Variants in NALCN observed in about 807,000 individuals in gnomAD.
NALCN encodes the protein sodium leak channel NALCN.
A neutral mutation model predicts 225.3 loss-of-function variants in NALCN; 111 were observed. The ratio of observed to expected loss-of-function variants is 0.49; its 90% CI spans 0.42 to 0.58. The LOEUF (loss-of-function observed/expected upper bound fraction) is 0.58. NALCN is among the 20% of genes least tolerant of loss of function. NALCN has a pLI of 0.00. For missense variants in NALCN, 1,378 were observed against 2,202.4 expected (o/e 0.63, Z 7.49); for synonymous variants, 764 against 769.0 (o/e 0.99, Z 0.11).
chr13:101,291,971 C>T lies in NALCN; in HGVS notation c.1047+19G>A, dbSNP rs1009783626. 6.2e-6 allele frequency: 10 copies of T among 1,612,818 alleles called. No individual in the cohort carries two copies. The highest frequency in any genetic ancestry group is 1.3e-5 in the African/African-American group (1 of 74,910). On this transcript the variant is annotated intron_variant, in intron 9 of 43. Coordinates refer to ENST00000251127, the MANE Select transcript of NALCN (RefSeq NM_052867.4). Reference sequence around the variant, plus strand: ...TGCATGCTCGAATGGGTTATAACATCCTCTTGCTGATAGCGTACCTGGGTG... The same window carrying T: ...TGCATGCTCGAATGGGTTATAACATTCTCTTGCTGATAGCGTACCTGGGTG...
Position 101,134,739 on chromosome 13 carries a change from G to A in NALCN, c.2118+8341C>T, listed in dbSNP as rs2036686935. ...ATTTTTTTTTGCACGTGAATGTTAT[G>A]ACAATGTTTCGGCCACTAACACAGT... On this transcript the variant is annotated intron_variant, in intron 17 of 43. Transcript: ENST00000251127. Among the ~76,000 whole-genome samples, 2 of 152,034 alleles carry A rather than the reference G, an allele frequency of 1.3e-5. 1 individual carries two copies. The highest frequency in any genetic ancestry group is 4.1e-4 in the South Asian group (2 of 4,822).
At chr13:101,133,278 G>T (rs559620858) in intron 17 of NALCN, among the ~76,000 whole-genome samples, 2 of 152,048 alleles carry the variant, frequency 1.3e-5, no homozygotes, top group Non-Finnish European at 2.9e-5. Flanking sequence ...TAGCTTTTTT[G>T]ATTTACAATG....
At chr13:101,382,491 A>G (rs1425540206) in intron 3 of NALCN, among the ~76,000 whole-genome samples, 3 of 152,120 alleles carry the variant, frequency 2.0e-5, no homozygotes, top group African/African-American at 7.2e-5. Flanking sequence ...ATAAATTTAA[A>G]TTTAAAAATT....
chr13:101,284,184 T>C (rs1195408679), intron 9 of NALCN, among the ~76,000 whole-genome samples, 165 bp from the exon 10 acceptor site: 1 of 152,216 alleles, frequency 6.6e-6, no homozygotes, highest in East Asian at 1.9e-4. Context: ...ATTGAAAGCT[T>C]AAATGAATGA....
At chr13:101,148,775 T>C (rs1251639202) in intron 15 of NALCN, among the ~76,000 whole-genome samples, 1 of 151,958 alleles carries the variant, frequency 6.6e-6, no homozygotes, top group African/African-American at 2.4e-5. Context: ...TAAGCTAAAC[T>C]CTCCAGCAGA....
At chr13:101,181,994 C>T (rs540250649) in intron 14 of NALCN, among the ~76,000 whole-genome samples, 159 of 151,750 alleles carry the variant, frequency 1.0e-3, no homozygotes, top group African/African-American at 3.7e-3. Context: ...ATTAGCCGGG[C>T]GTGGTGGCGG....
At chr13:101,279,047 G>T (rs1216311332) in intron 10 of NALCN, among the ~76,000 whole-genome samples, 1 of 152,174 alleles carries the variant, frequency 6.6e-6, no homozygotes, top group Non-Finnish European at 1.5e-5. Flanking sequence ...CACAGTTGCA[G>T]AAGTGACCAT....
intron 11 of NALCN, among the ~76,000 whole-genome samples, chr13:101,251,751 C>T (rs1485259113): frequency 6.6e-6 from 1 of 152,048 alleles, no homozygotes; most frequent in Non-Finnish European, 1.5e-5. Context: ...CTAATCCTGC[C>T]CAAATCTTAT....
chr13:101,187,386 T>C (rs1400575333), intron 14 of NALCN, among the ~76,000 whole-genome samples: 1 of 152,164 alleles, frequency 6.6e-6, no homozygotes, highest in Non-Finnish European at 1.5e-5. Context: ...GACTACTATA[T>C]ATACAATTAT....
chr13:101,138,690 C>T (rs1451828098), intron 17 of NALCN, among the ~76,000 whole-genome samples: 1 of 152,190 alleles, frequency 6.6e-6, no homozygotes, highest in Non-Finnish European at 1.5e-5. Context: ...GTAGACTCAA[C>T]CACAGGTGAG....
chr13:101,282,424 TA>T (rs1459411263), intron 10 of NALCN, among the ~76,000 whole-genome samples: 1 of 152,170 alleles, frequency 6.6e-6, no homozygotes, highest in Non-Finnish European at 1.5e-5. Context: ...AAACACCGCA[TA>T]ATCTCATTTA....
intron 22 of NALCN, among the ~76,000 whole-genome samples, chr13:101,105,531 A>T (rs2035049573): frequency 6.6e-6 from 1 of 152,168 alleles, no homozygotes; most frequent in Non-Finnish European, 1.5e-5. Flanking sequence ...TGTATTCAAC[A>T]TCAGCTGCCT....
At chr13:101,396,422 GA>G (rs2047295281) in intron 2 of NALCN, among the ~76,000 whole-genome samples, 1 of 151,898 alleles carries the variant, frequency 6.6e-6, no homozygotes, top group African/African-American at 2.4e-5. Context: ...ATAATACTCT[GA>G]AAAAAATTTT....
At chr13:101,132,877 A>C (rs754534489) in intron 17 of NALCN, among the ~76,000 whole-genome samples, 103 of 152,266 alleles carry the variant, frequency 6.8e-4, no homozygotes, top group Middle Eastern at 3.4e-3. Flanking sequence ...AACTCTTGCT[A>C]TTCTCACATC....
intron 6 of NALCN, among the ~76,000 whole-genome samples, chr13:101,346,957 G>A (rs1345081050): frequency 1.3e-5 from 2 of 152,100 alleles, no homozygotes; most frequent in Non-Finnish European, 2.9e-5. Flanking sequence ...GACAGCCTCA[G>A]TCACGTGAGT....
At chr13:101,060,286 T>C in intron 41 of NALCN, among the ~76,000 whole-genome samples, 1 of 140,304 alleles carries the variant, frequency 7.1e-6, no homozygotes, top group Admixed American at 6.9e-5. Flanking sequence ...TTTTTTTTTT[T>C]TTTTTTTTAG....
At chr13:101,331,223 G>C (rs1395935153) in intron 7 of NALCN, among the ~76,000 whole-genome samples, 1 of 152,086 alleles carries the variant, frequency 6.6e-6, no homozygotes, top group Non-Finnish European at 1.5e-5. Context: ...GTAAAGGAGA[G>C]TTAGAAAATA....
At position 101,379,588 on chromosome 13, in the gene NALCN, C is replaced by T. The variant is rs143757338; in HGVS notation, c.292-935G>A. Among the ~76,000 whole-genome samples, 1,376 of 143,658 alleles carry T rather than the reference C, an allele frequency of 9.6e-3. 11 individuals are homozygous for T. The highest frequency in any genetic ancestry group is 0.017 in the Middle Eastern group (5 of 288). The allele number at this position is 143,658 out of a possible 152,430, so 94.2% of individuals were successfully genotyped here. On this transcript the variant is annotated intron_variant, in intron 3 of 43. Transcript: ENST00000251127. ...AAGGGACATGGATGAAGCTGGAAACCATCACTCTCAGCCAAACTAACACAG... is the reference window on the plus strand; with the variant it reads ...AAGGGACATGGATGAAGCTGGAAACTATCACTCTCAGCCAAACTAACACAG...
chr13:101,380,780 A>C (rs988474423), intron 3 of NALCN, among the ~76,000 whole-genome samples: 2 of 151,966 alleles, frequency 1.3e-5, no homozygotes, highest in African/African-American at 4.8e-5. Context: ...ATTTGACCCA[A>C]AAATGAAGTA....
Sources: allele counts gnomAD v4.1 joint callset (sites outside exome capture counted in the v4.1 genomes callset), GRCh38; gene constraint gnomAD v4.1.1; transcripts MANE v1.5; gene names NCBI Gene and HGNC (gene_info 2026-07-23, HGNC 2026-07-21).